TUSC3: variants seen among roughly 807,000 people sequenced by gnomAD.
TUSC3 encodes the protein dolichyl-diphosphooligosaccharide--protein glycosyltransferase subunit TUSC3.
Under a neutral mutation model 44.8 loss-of-function variants are expected in TUSC3, and 45 were observed. The observed-to-expected ratio is 1.00, with a 90% CI of 0.79 to 1.29. TUSC3 has a LOEUF of 1.29. Ranked by LOEUF, TUSC3 falls within the 50% of genes most tolerant of loss-of-function variation. The pLI is 0.00. For missense variants in TUSC3, 519 were observed against 437.9 expected, an observed-to-expected ratio of 1.19 and a Z score of -1.65; for synonymous variants, 212 against 152.9, an observed-to-expected ratio of 1.39 and a Z score of -2.85.
chr8:15,542,062 G>C (rs1261442035), intron 1 of TUSC3, among the ~76,000 whole-genome samples: 1 of 151,730 alleles, frequency 6.6e-6, no homozygotes, highest in East Asian at 1.9e-4. Context: ...GGTCCTGATG[G>C]CAGGTGCCCA....
chr8:15,671,500 T>G (rs1251743789), intron 5 of TUSC3, among the ~76,000 whole-genome samples: 1 of 152,012 alleles, frequency 6.6e-6, no homozygotes, highest in Non-Finnish European at 1.5e-5. Flanking sequence ...ACTCAGTGTT[T>G]TGTTGTTTCT....
chr8:15,813,822 A>G, the TUSC3 span, among the ~76,000 whole-genome samples: 2 of 152,122 alleles, frequency 1.3e-5, no homozygotes, highest in Non-Finnish European at 2.9e-5. Flanking sequence ...CTTAGTGCTA[A>G]CCATCGAAGT....
chr8:15,595,462 A>G (rs1382921391), intron 1 of TUSC3, among the ~76,000 whole-genome samples: 2 of 152,234 alleles, frequency 1.3e-5, no homozygotes, highest in Admixed American at 6.5e-5. Flanking sequence ...TCAAGGGAGT[A>G]GGGTGGAACA....
At chr8:15,649,219 C>G (rs895798440) in intron 2 of TUSC3, among the ~76,000 whole-genome samples, 1 of 151,184 alleles carries the variant, frequency 6.6e-6, no homozygotes, top group Non-Finnish European at 1.5e-5. Context: ...TGTTTTTTTT[C>G]GTTGCGGTGG....
chr8:15,536,314 C>T (rs1014067168), upstream of TUSC3, among the ~76,000 whole-genome samples: 1 of 152,124 alleles, frequency 6.6e-6, no homozygotes, highest in Non-Finnish European at 1.5e-5. Context: ...TTTGCATTTG[C>T]TGGTGAGGAC....
chr8:15,727,961 TCTC>T, intron 6 of TUSC3, among the ~76,000 whole-genome samples: 1 of 152,196 alleles, frequency 6.6e-6, no homozygotes, highest in Non-Finnish European at 1.5e-5. Flanking sequence ...TTCAGGACTG[TCTC>T]TAAAGCCTTT....
intron 2 of TUSC3, among the ~76,000 whole-genome samples, chr8:15,626,617 G>GC (rs971658289): frequency 6.6e-6 from 1 of 152,156 alleles, no homozygotes; most frequent in African/African-American, 2.4e-5. Flanking sequence ...GCCCAGGAAG[G>GC]CCCCCCTTAC....
intron 2 of TUSC3, among the ~76,000 whole-genome samples, chr8:15,504,613 ATATATATAT>A (rs1462906517): frequency 6.8e-4 from 14 of 20,712 alleles, no homozygotes; most frequent in Non-Finnish European, 9.7e-4. Flanking sequence ...ATATATATAT[ATATATATAT>A]TTTTTTTTTT....
the TUSC3 span, among the ~76,000 whole-genome samples, chr8:15,799,529 G>A: frequency 6.6e-6 from 1 of 152,146 alleles, no homozygotes; most frequent in African/African-American, 2.4e-5. Flanking sequence ...CTGCTTCCTG[G>A]TATTGTCAGC....
At chr8:15,729,408 A>G (rs1286072721) in intron 6 of TUSC3, among the ~76,000 whole-genome samples, 1 of 152,094 alleles carries the variant, frequency 6.6e-6, no homozygotes, top group Non-Finnish European at 1.5e-5. Context: ...AGTTAGGTAA[A>G]TTTTTCTAAG....
intron 2 of TUSC3, among the ~76,000 whole-genome samples, chr8:15,628,326 C>T (rs376970897): frequency 2.5e-3 from 377 of 152,156 alleles, no homozygotes; most frequent in African/African-American, 8.3e-3. Flanking sequence ...ATGGTGCATT[C>T]TTTGGATAGT....
chr8:15,438,180 C>T (rs775954631), intron 1 of TUSC3, among the ~76,000 whole-genome samples: 3 of 152,104 alleles, frequency 2.0e-5, no homozygotes, highest in Non-Finnish European at 2.9e-5. Flanking sequence ...CTGCAATCTC[C>T]GTCTCCTGGG....
intron 6 of TUSC3, among the ~76,000 whole-genome samples, chr8:15,692,357 A>C (rs1298783742): frequency 3.4e-5 from 3 of 88,140 alleles, no homozygotes; most frequent in South Asian, 7.1e-4. Context: ...TTGGGAGGAG[A>C]CCCCCCCCCC....
the TUSC3 span, among the ~76,000 whole-genome samples, chr8:15,785,701 GTTATTAA>G: frequency 1.3e-5 from 2 of 152,028 alleles, no homozygotes; most frequent in African/African-American, 4.8e-5. Context: ...GGACAATAAG[GTTATTAA>G]TGGGCCTCAC....
intron 1 of TUSC3, among the ~76,000 whole-genome samples, chr8:15,448,365 C>A (rs185716242): frequency 6.6e-6 from 1 of 151,892 alleles, no homozygotes; most frequent in Non-Finnish European, 1.5e-5. Context: ...GCAATCCACC[C>A]GCCTTGGCCT....
At chr8:15,439,551 T>A (rs1799994397) in intron 1 of TUSC3, among the ~76,000 whole-genome samples, 1 of 152,182 alleles carries the variant, frequency 6.6e-6, no homozygotes, top group Admixed American at 6.5e-5. Context: ...AGCAAGACCC[T>A]GTCTCAAAAT....
In TUSC3 at chr8:15,753,396, G is replaced by A. The variant is rs1319463325; in HGVS notation, c.1029-4395G>A. On this transcript the variant is annotated intron_variant, in intron 9 of 10. Coordinates refer to ENST00000503731, the MANE Select transcript of TUSC3 (RefSeq NM_006765.4). ...ATGGTGCTCACAGATAACCCTTCTT[G>A]TGATCATTCATACGTGAATTATTTT... Among the ~76,000 whole-genome samples the A allele has an allele frequency of 3.3e-5, 5 of 152,044 alleles. No homozygotes were observed. The South Asian group carries it at 8.3e-4, about 25-fold the overall frequency.
At chr8:15,810,124 G>A in the TUSC3 span, among the ~76,000 whole-genome samples, 4,087 of 152,180 alleles carry the variant, frequency 0.027, 189 homozygotes, top group African/African-American at 0.092. Context: ...AGCAGCAGAA[G>A]TATCACCTGC....
chr8:15,673,493 AT>A (rs1329585308), intron 5 of TUSC3, among the ~76,000 whole-genome samples: 1 of 152,070 alleles, frequency 6.6e-6, no homozygotes, highest in African/African-American at 2.4e-5. Context: ...TGCTTTACAT[AT>A]GTTATCCGAT....
Sources: gnomAD v4.1 joint callset for allele counts (sites outside exome capture counted in the v4.1 genomes callset) on GRCh38, gnomAD v4.1.1 for gene constraint, MANE v1.5 for transcripts, NCBI Gene and HGNC (gene_info 2026-07-23, HGNC 2026-07-21) for gene names.